ZCCHC2: variants seen among roughly 807,000 people sequenced by gnomAD.
ZCCHC2 encodes zinc finger CCHC domain-containing protein 2.
ZCCHC2 carries 39 observed loss-of-function variants against 103.6 expected under a neutral mutation model. The ratio of observed to expected loss-of-function variants is 0.38; its 90% CI spans 0.29 to 0.49. The LOEUF (loss-of-function observed/expected upper bound fraction) is 0.49. ZCCHC2 is among the 20% of genes least tolerant of loss of function. The pLI, the probability that ZCCHC2 is intolerant of heterozygous loss-of-function variation, is 0.96. For missense variants in ZCCHC2, 1,483 were observed against 1,491.0 expected (o/e 0.99, Z 0.09); for synonymous variants, 687 against 608.9 (o/e 1.13, Z -1.89).
At chr18:62,579,125 A>G (rs1034173634), downstream of ZCCHC2, among the ~76,000 whole-genome samples, 8 of 152,102 alleles carry the variant, frequency 5.3e-5, no homozygotes, top group Non-Finnish European at 1.2e-4. Flanking sequence ...GGGGGACTGC[A>G]CTCCGTGAGT....
At chr18:62,551,247 C>G (rs933761417) in intron 5 of ZCCHC2, 2 of 152,394 alleles carry the variant, frequency 1.3e-5, no homozygotes, top group Non-Finnish European at 2.9e-5. Flanking sequence ...AGCTGGAGAA[C>G]AACCTGATGA....
At position 62,523,374 on chromosome 18, in the gene ZCCHC2, C is replaced by CGGG; in HGVS notation, c.-49_-48insGGG. 28 of 1,013,864 alleles carry CGGG rather than the reference C, an allele frequency of 2.8e-5. No individual in the cohort carries two copies. Among genetic ancestry groups the CGGG allele is most frequent in the Non-Finnish European group, 3.3e-5 (28 of 850,226 alleles). The allele number at this position is 1,013,864 out of a possible 1,614,324, so 62.8% of individuals were successfully genotyped here. A position where few individuals can be genotyped will look rare whatever the true frequency, so the allele number is the denominator to read the frequency against. ...CCGCCTCGGCCCGTGCTCCACCTCG[C>CGGG]GGCCCCTCCCGCCCGCCCCCGCTCG... On this transcript the variant is annotated 5_prime_UTR_variant, in exon 1 of 14. Transcript: ENST00000269499.
At chr18:62,568,819 A>G (rs10503074) in intron 11 of ZCCHC2, among the ~76,000 whole-genome samples, 1 of 152,048 alleles carries the variant, frequency 6.6e-6, no homozygotes, top group African/African-American at 2.4e-5. Flanking sequence ...GACTCATGCA[A>G]GTTCTATAGG....
chr18:62,564,033 T>C (rs1273331520), intron 9 of ZCCHC2, among the ~76,000 whole-genome samples: 6 of 152,234 alleles, frequency 3.9e-5, no homozygotes, highest in Admixed American at 3.3e-4. Context: ...ATTAACCCGA[T>C]GTTGTCCCTG....
chr18:62,553,158 G>A (rs73963450), intron 5 of ZCCHC2, among the ~76,000 whole-genome samples: 617 of 9,662 alleles, frequency 0.064, 8 homozygotes, highest in African/African-American at 0.16. Flanking sequence ...TTAGATTTAT[G>A]TGTGTGTGTG....
intron 5 of ZCCHC2, 53 bp downstream of exon 5, chr18:62,550,513 C>A: frequency 2.2e-6 from 3 of 1,363,668 alleles, no homozygotes; most frequent in South Asian, 2.5e-5. Flanking sequence ...GACAAAGGGC[C>A]GCTCCAAATG....
chr18:62,524,054 C>T lies in ZCCHC2; in HGVS notation c.630C>T (p.Gly210=). The change falls in exon 1 of 14, where the codon GGC becomes GGT. Residue 210 remains glycine (G), a synonymous_variant. Coordinates refer to ENST00000269499, the MANE Select transcript of ZCCHC2 (RefSeq NM_017742.6). ...TCAAAAGCCTGCGCGCGGCCCGGGG[C>T]GAGGGCTCGCGGGGCGGCGCGGAGG... ...SVLKSLRAAR[G]EGSRGGAEDE... 1 of 1,476,022 alleles carries T rather than the reference C, an allele frequency of 6.8e-7. No individual in the cohort carries two copies. Among genetic ancestry groups the T allele is most frequent in the Non-Finnish European group, 8.9e-7 (1 of 1,124,472 alleles). 91.4% of individuals were successfully genotyped at this position (1,476,022 alleles called of 1,614,324 possible).
At chr18:62,558,396 A>C (rs1480151111) in intron 6 of ZCCHC2, 5 of 188,192 alleles carry the variant, frequency 2.7e-5, no homozygotes, top group Non-Finnish European at 5.4e-5. Flanking sequence ...ATGTTTAAGA[A>C]GCACCTTTCT....
intron 1 of ZCCHC2, among the ~76,000 whole-genome samples, chr18:62,529,108 C>T (rs1043577617): frequency 1.4e-5 from 2 of 138,496 alleles, no homozygotes; most frequent in African/African-American, 5.4e-5. Flanking sequence ...TGTAGTCAGC[C>T]GAGATCACGC....
chr18:62,565,403 C>T (rs1916318040), intron 11 of ZCCHC2, among the ~76,000 whole-genome samples: 1 of 152,144 alleles, frequency 6.6e-6, no homozygotes, highest in Admixed American at 6.5e-5. Flanking sequence ...AGACAGGTCC[C>T]AAGGCCATGG....
intron 5 of ZCCHC2, 83 bp from the exon 6 acceptor site, chr18:62,556,120 C>T: frequency 9.2e-7 from 1 of 1,082,754 alleles, no homozygotes. Flanking sequence ...ACTGCCACTT[C>T]ATTCTGCTTT....
chr18:62,536,118 G>T (rs951160769), intron 1 of ZCCHC2, among the ~76,000 whole-genome samples: 2 of 152,118 alleles, frequency 1.3e-5, no homozygotes, highest in South Asian at 4.1e-4. Flanking sequence ...GTTTCACAAG[G>T]TCCCCACAGT....
chr18:62,524,962 C>G (rs901235558), intron 1 of ZCCHC2: 1 of 152,568 alleles, frequency 6.6e-6, no homozygotes, highest in African/African-American at 2.4e-5. Context: ...CTTGTGGCTT[C>G]TGCTCTGAGG....
chr18:62,552,432 A>G (rs995064482), intron 5 of ZCCHC2: 1 of 152,262 alleles, frequency 6.6e-6, no homozygotes, highest in African/African-American at 2.4e-5. Flanking sequence ...GTAGGAGAAC[A>G]TAGGAAATAC....
chr18:62,564,803 G>A (rs1916275565), intron 10 of ZCCHC2, among the ~76,000 whole-genome samples, 168 bp downstream of exon 10: 1 of 151,390 alleles, frequency 6.6e-6, no homozygotes, highest in South Asian at 2.1e-4. Context: ...TAAAAATAAA[G>A]CTACTGTCAA....
intron 10 of ZCCHC2, 31 bp from the exon 11 acceptor site, chr18:62,564,970 TA>T: frequency 6.7e-7 from 1 of 1,494,400 alleles, no homozygotes; most frequent in Non-Finnish European, 9.3e-7. Flanking sequence ...ATAACCTTAT[TA>T]AAATGTTGGC....
Position 62,576,744 on chromosome 18 carries a change from T to G in ZCCHC2, c.*165T>G. 2 of 629,030 alleles carry G rather than the reference T, an allele frequency of 3.2e-6. No homozygotes were observed. Among genetic ancestry groups the G allele is most frequent in the Non-Finnish European group, 5.4e-6 (2 of 368,006 alleles). 39.0% of individuals were successfully genotyped at this position (629,030 alleles called of 1,614,324 possible). ...TACCAATGTCCAAAACAAGAAAGAA[T>G]GCAATGCTTTTGAGCCTCTGGTCTC... On this transcript the variant is annotated 3_prime_UTR_variant, in exon 14 of 14. Coordinates refer to ENST00000269499, the MANE Select transcript of ZCCHC2 (RefSeq NM_017742.6).
At chr18:62,563,802 A>G (rs1423907738) in intron 9 of ZCCHC2, among the ~76,000 whole-genome samples, 4 of 152,262 alleles carry the variant, frequency 2.6e-5, no homozygotes, top group Admixed American at 6.5e-5. Context: ...GCTATTTGTG[A>G]TAGAAATTTT....
chr18:62,584,302 C>T (rs1568564262), intron 14 of ZCCHC2: 1 of 152,212 alleles, frequency 6.6e-6, no homozygotes, highest in Non-Finnish European at 1.5e-5. Context: ...ACGCAGTCAC[C>T]TCCGCCTGCA....
Sources: gnomAD v4.1 joint callset for allele counts (sites outside exome capture counted in the v4.1 genomes callset) on GRCh38, gnomAD v4.1.1 for gene constraint, MANE v1.5 for transcripts, NCBI Gene and HGNC (gene_info 2026-07-23, HGNC 2026-07-21) for gene names.